The following MB21D2 variants were observed in gnomAD, a reference collection of about 807,000 sequenced individuals.
MB21D2 encodes nucleotidyltransferase MB21D2.
In MB21D2, 9 loss-of-function variants were observed where a neutral mutation model predicts 33.3. The ratio of observed to expected loss-of-function variants is 0.27; its 90% CI spans 0.16 to 0.47. The LOEUF (loss-of-function observed/expected upper bound fraction) is 0.47. Among genes scored for constraint, MB21D2 ranks in the 20% least tolerant of loss-of-function variants. MB21D2 has a pLI of 0.99. For missense variants in MB21D2, 540 were observed against 624.6 expected, an observed-to-expected ratio of 0.86 and a Z score of 1.44; for synonymous variants, 241 against 236.3, an observed-to-expected ratio of 1.02 and a Z score of -0.18.
chr3:192,878,422 A>C (rs935859930), intron 1 of MB21D2, among the ~76,000 whole-genome samples: 1 of 152,222 alleles, frequency 6.6e-6, no homozygotes, highest in African/African-American at 2.4e-5. Context: ...AAAGCTTAGC[A>C]ATTTCTATGG....
At position 192,799,727 on chromosome 3, in the gene MB21D2, T is replaced by C; in HGVS notation, c.212-77A>G. On this transcript the variant is annotated intron_variant, in intron 1 of 1. Transcript: ENST00000392452. This position sits in a 1 kb window ranked among gnomAD's most constrained non-coding sequence, Gnocchi z 4.1. ...GAGTCTTATGCATGAAACAGAATGC[T>C]CTGATGTTCCAAGAACCAAAACTCA... 1 of 1,446,820 alleles carries C rather than the reference T, an allele frequency of 6.9e-7. No individual in the cohort carries two copies. The highest frequency in any genetic ancestry group is 9.2e-7 in the Non-Finnish European group (1 of 1,091,270). The allele number at this position is 1,446,820 out of a possible 1,614,324, so 89.6% of individuals were successfully genotyped here.
chr3:192,820,941 T>C (rs924015166), intron 1 of MB21D2, among the ~76,000 whole-genome samples: 2 of 152,102 alleles, frequency 1.3e-5, no homozygotes, highest in African/African-American at 4.8e-5. Context: ...TTTTTATATA[T>C]ATTTTTTGTA....
intron 1 of MB21D2, among the ~76,000 whole-genome samples, chr3:192,887,562 T>C (rs971091805): frequency 6.6e-6 from 1 of 152,046 alleles, no homozygotes; most frequent in African/African-American, 2.4e-5. Flanking sequence ...CTAGGTTTGA[T>C]CTAAAATAAT....
chr3:192,799,351 T>G lies in MB21D2; in HGVS notation c.511A>C (p.Ile171Leu), dbSNP rs376782955. The part of the protein sequence containing the change: ...WKDCCTIVDH[I>L]NGATNYFFSP... ...AAGAAGTAGTTGGTGGCACCATTGA[T>G]GTGATCTACAATGGTGCAGCAGTCT... Residue 171 changes from isoleucine to leucine, a missense_variant, in exon 2 of 2, where the codon ATC (isoleucine) becomes CTC (leucine). Coordinates refer to ENST00000392452, the MANE Select transcript of MB21D2 (RefSeq NM_178496.4). This position sits in a 1 kb window ranked among gnomAD's most constrained non-coding sequence, Gnocchi z 4.1. 6.3e-5 allele frequency: 102 copies of G among 1,614,116 alleles called. No individual in the cohort carries two copies. The highest frequency in any genetic ancestry group is 5.4e-5 in the Non-Finnish European group (64 of 1,180,048).
At chr3:192,865,511 T>G (rs1015216018) in intron 1 of MB21D2, among the ~76,000 whole-genome samples, 1 of 152,226 alleles carries the variant, frequency 6.6e-6, no homozygotes, top group African/African-American at 2.4e-5. Flanking sequence ...AAGTACTGAT[T>G]TGCTTCATCT....
In MB21D2 at chr3:192,851,511, T is replaced by TTTTTTG. The variant is rs368434734; in HGVS notation, c.212-51862_212-51861insCAAAAA. 1.2e-4 allele frequency among the ~76,000 whole-genome samples: 17 copies of TTTTTTG among 143,916 alleles called. 1 individual carries two copies. Among genetic ancestry groups the TTTTTTG allele is most frequent in the African/African-American group, 4.7e-4 (17 of 36,002 alleles). 94.4% of individuals were successfully genotyped at this position (143,916 alleles called of 152,430 possible). On this transcript the variant is annotated intron_variant, in intron 1 of 1. Coordinates refer to ENST00000392452, the MANE Select transcript of MB21D2 (RefSeq NM_178496.4). ...TGTCTGTTTTTTTTTTTTTTTTTTT[T>TTTTTTG]GGAGATGGAGTCTCACTCTGTTGCC...
intron 1 of MB21D2, among the ~76,000 whole-genome samples, chr3:192,819,836 G>A (rs1029404235): frequency 2.6e-5 from 4 of 152,126 alleles, no homozygotes; most frequent in Non-Finnish European, 5.9e-5. Context: ...AGCTTGGGAG[G>A]CACCTGACAT....
At chr3:192,911,153 G>C (rs1043798489) in intron 1 of MB21D2, among the ~76,000 whole-genome samples, 1 of 152,034 alleles carries the variant, frequency 6.6e-6, no homozygotes, top group Non-Finnish European at 1.5e-5. Context: ...TATTCATCCT[G>C]ACCCAGGTTA....
intron 1 of MB21D2, among the ~76,000 whole-genome samples, chr3:192,874,704 T>C (rs1486182468): frequency 6.6e-6 from 1 of 152,192 alleles, no homozygotes; most frequent in Admixed American, 6.5e-5. Flanking sequence ...GGAGACTCTA[T>C]TGCTTGCTGG....
chr3:192,915,454 T>C (rs1419289373), intron 1 of MB21D2, among the ~76,000 whole-genome samples: 2 of 152,186 alleles, frequency 1.3e-5, no homozygotes, highest in Non-Finnish European at 2.9e-5. Flanking sequence ...CGCAAATGAA[T>C]GCAGCACCAC....
At chr3:192,855,530 G>C (rs1712897357) in intron 1 of MB21D2, among the ~76,000 whole-genome samples, 1 of 152,206 alleles carries the variant, frequency 6.6e-6, no homozygotes, top group Non-Finnish European at 1.5e-5. Flanking sequence ...TCTAGTGGTG[G>C]TGTAGAACTG....
In MB21D2 at chr3:192,809,355, A is replaced by G. The variant is rs74475015; in HGVS notation, c.212-9705T>C. Among the ~76,000 whole-genome samples, 769 of 152,304 alleles carry G rather than the reference A, an allele frequency of 5.0e-3. 3 individuals carry two copies. The highest frequency in any genetic ancestry group is 0.018 in the African/African-American group (734 of 41,548). ...GTGATCCGCCTTGCCTAGGCCTCCCAAAGTGCTGGGATTACAGGCGTGAGC... is the reference window on the plus strand; with the variant it reads ...GTGATCCGCCTTGCCTAGGCCTCCCGAAGTGCTGGGATTACAGGCGTGAGC... On this transcript the variant is annotated intron_variant, in intron 1 of 1. Transcript: ENST00000392452.
Position 192,799,069 on chromosome 3 carries a change from C to T in MB21D2, c.793G>A (p.Glu265Lys). ...NHFWDGKITE[E>K]EVISGFYLVP... ...AAGTAAAACCCACTGATGACCTCTT[C>T]CTCAGTAATCTTCCCATCCCAAAAG... Residue 265 changes from glutamate (E) to lysine (K), a missense_variant, in exon 2 of 2, where the codon GAA becomes AAA. Transcript: ENST00000392452. This position sits in a 1 kb window ranked among gnomAD's most constrained non-coding sequence, Gnocchi z 4.1. 1 of 1,614,070 alleles carries T rather than the reference C, an allele frequency of 6.2e-7. No individual in the cohort carries two copies. The highest frequency in any genetic ancestry group is 8.5e-7 in the Non-Finnish European group (1 of 1,179,984).
intron 1 of MB21D2, among the ~76,000 whole-genome samples, chr3:192,815,280 A>G (rs1711896111): frequency 6.6e-6 from 1 of 152,212 alleles, no homozygotes; most frequent in Non-Finnish European, 1.5e-5. Flanking sequence ...CCCAGAAAGC[A>G]AAGGTGACAC....
At chr3:192,814,561 G>A (rs1055694684) in intron 1 of MB21D2, among the ~76,000 whole-genome samples, 10 of 152,042 alleles carry the variant, frequency 6.6e-5, no homozygotes, top group African/African-American at 2.4e-4. Flanking sequence ...ATCCATGCCT[G>A]CTCAATTAAA....
At chr3:192,806,664 T>C (rs1560225946) in intron 1 of MB21D2, among the ~76,000 whole-genome samples, 1 of 152,192 alleles carries the variant, frequency 6.6e-6, no homozygotes, top group South Asian at 2.1e-4. Flanking sequence ...TCAATCAACC[T>C]GAATACCTCA....
intron 1 of MB21D2, among the ~76,000 whole-genome samples, chr3:192,837,486 T>C (rs766709419): frequency 2.6e-5 from 4 of 152,048 alleles, no homozygotes; most frequent in Non-Finnish European, 4.4e-5. Context: ...GGATCTGCAA[T>C]AGTTCATCAT....
At chr3:192,891,105 T>C (rs758034514) in intron 1 of MB21D2, among the ~76,000 whole-genome samples, 7 of 152,192 alleles carry the variant, frequency 4.6e-5, no homozygotes, top group African/African-American at 7.2e-5. Flanking sequence ...AAAGTTCTTA[T>C]AGAAGTTTTC....
Position 192,869,161 on chromosome 3 carries a change from C to T in MB21D2, c.211+48469G>A, listed in dbSNP as rs543817970. Among the ~76,000 whole-genome samples, 9 of 151,626 alleles carry T rather than the reference C, an allele frequency of 5.9e-5. No homozygotes were observed. The East Asian group carries it at 1.8e-3, about 30-fold the overall frequency. ...ATCCCACTTACTCAGGAGGCTGAGT[C>T]AGAAGAATTGCTTGAGCCCGGGAGG... On this transcript the variant is annotated intron_variant, in intron 1 of 1. Transcript: ENST00000392452.
Sources: allele counts gnomAD v4.1 joint callset (sites outside exome capture counted in the v4.1 genomes callset), GRCh38; gene constraint gnomAD v4.1.1; non-coding constraint Gnocchi (gnomAD v3.1); transcripts MANE v1.5; gene names NCBI Gene and HGNC (gene_info 2026-07-23, HGNC 2026-07-21).